The following SPAG16 variants were observed in gnomAD, a reference collection of about 807,000 sequenced individuals.
SPAG16 encodes sperm associated antigen 16, also known as sperm-associated antigen 16 protein.
Under a neutral mutation model 80.4 loss-of-function variants are expected in SPAG16, and 86 were observed. That is an observed-to-expected ratio of 1.07 (90% CI 0.90 to 1.28). The LOEUF is 1.28. Among genes scored for constraint, SPAG16 ranks in the 50% most tolerant of loss-of-function variants. The pLI is 0.00. For missense variants in SPAG16, 870 were observed against 765.3 expected (o/e 1.14, Z -1.61); for synonymous variants, 294 against 265.9 (o/e 1.11, Z -1.03).
intron 11 of SPAG16, among the ~76,000 whole-genome samples, chr2:213,910,158 T>A (rs902361789): frequency 5.9e-5 from 9 of 152,206 alleles, no homozygotes; most frequent in African/African-American, 2.2e-4. Flanking sequence ...AACAGAACAT[T>A]GTGACTAATA....
At chr2:213,790,418 C>G (rs1419118285) in intron 10 of SPAG16, among the ~76,000 whole-genome samples, 1 of 151,892 alleles carries the variant, frequency 6.6e-6, no homozygotes, top group Non-Finnish European at 1.5e-5. Flanking sequence ...TCAATGTTCT[C>G]CATAACTCAG....
intron 10 of SPAG16, among the ~76,000 whole-genome samples, chr2:213,584,610 A>AGAAGGAAGGAGGGAAG (rs1176712450): frequency 1.3e-5 from 2 of 151,822 alleles, no homozygotes; most frequent in Non-Finnish European, 2.9e-5. Flanking sequence ...AAGGAAGGAA[A>AGAAGGAAGGAGGGAAG]GAAGGAAGGA....
At chr2:214,014,373 C>T (rs924866145) in intron 13 of SPAG16, among the ~76,000 whole-genome samples, 4 of 152,148 alleles carry the variant, frequency 2.6e-5, no homozygotes, top group African/African-American at 7.2e-5. Flanking sequence ...ACACTGTGCC[C>T]CCTCCTTAAG....
chr2:214,133,732 A>G (rs998629548), intron 14 of SPAG16, among the ~76,000 whole-genome samples: 10 of 152,154 alleles, frequency 6.6e-5, no homozygotes, highest in African/African-American at 2.4e-4. Context: ...AGTTCACTGC[A>G]TGTGTCCCAG....
At chr2:213,523,162 C>T (rs936399332) in intron 10 of SPAG16, among the ~76,000 whole-genome samples, 1 of 152,074 alleles carries the variant, frequency 6.6e-6, no homozygotes, top group Non-Finnish European at 1.5e-5. Context: ...AGGCAGTAAC[C>T]CTGATGCTGC....
At chr2:214,348,954 G>A (rs1467299383) in intron 15 of SPAG16, among the ~76,000 whole-genome samples, 1 of 151,814 alleles carries the variant, frequency 6.6e-6, no homozygotes, top group Non-Finnish European at 1.5e-5. Flanking sequence ...AAGAATATAC[G>A]GTCATCTTTA....
intron 14 of SPAG16, among the ~76,000 whole-genome samples, chr2:214,131,287 T>G (rs1033417705): frequency 4.0e-5 from 6 of 151,762 alleles, no homozygotes; most frequent in Non-Finnish European, 8.8e-5. Flanking sequence ...GGAGGATGGC[T>G]TGAGAGCAGG....
intron 15 of SPAG16, among the ~76,000 whole-genome samples, chr2:214,341,986 G>T (rs1379269522): frequency 6.6e-6 from 1 of 151,822 alleles, no homozygotes; most frequent in East Asian, 1.9e-4. Flanking sequence ...CTGACTAAAA[G>T]TTCTCTTTTT....
chr2:213,984,745 C>T (rs891383393), intron 12 of SPAG16, among the ~76,000 whole-genome samples: 1 of 152,080 alleles, frequency 6.6e-6, no homozygotes, highest in Non-Finnish European at 1.5e-5. Flanking sequence ...CCCTCACCTA[C>T]AACTCCTTCT....
chr2:213,612,124 T>G (rs16850557), intron 10 of SPAG16, among the ~76,000 whole-genome samples: 4,190 of 152,228 alleles, frequency 0.028, 83 homozygotes, highest in African/African-American at 0.051. Flanking sequence ...ATAGCAAAAA[T>G]AGAATGAGGG....
chr2:214,320,685 C>T (rs910767094), intron 15 of SPAG16, among the ~76,000 whole-genome samples: 1 of 152,146 alleles, frequency 6.6e-6, no homozygotes, highest in Non-Finnish European at 1.5e-5. Flanking sequence ...CTTATAAAAC[C>T]ATCAGATCTC....
At chr2:214,265,277 C>T (rs1691475392) in intron 15 of SPAG16, among the ~76,000 whole-genome samples, 2 of 151,954 alleles carry the variant, frequency 1.3e-5, no homozygotes, top group South Asian at 4.1e-4. Flanking sequence ...GTTATATCCG[C>T]ATTATGGATT....
At chr2:213,581,281 A>T (rs1010450912) in intron 10 of SPAG16, among the ~76,000 whole-genome samples, 3 of 152,066 alleles carry the variant, frequency 2.0e-5, no homozygotes, top group African/African-American at 7.2e-5. Flanking sequence ...ACAGTGGTAC[A>T]ATCATGGTTC....
At chr2:213,591,461 G>T (rs2113472) in intron 10 of SPAG16, among the ~76,000 whole-genome samples, 1 of 151,848 alleles carries the variant, frequency 6.6e-6, no homozygotes, top group South Asian at 2.1e-4. Context: ...AAAATTAGGG[G>T]TAAAATTCCA....
chr2:213,916,465 T>C (rs1288672406), intron 11 of SPAG16, among the ~76,000 whole-genome samples: 1 of 152,230 alleles, frequency 6.6e-6, no homozygotes, highest in Non-Finnish European at 1.5e-5. Flanking sequence ...TCTGTTCCAT[T>C]GGTCTGTATA....
chr2:214,105,123 A>G (rs1377309002), intron 13 of SPAG16, among the ~76,000 whole-genome samples: 1 of 152,132 alleles, frequency 6.6e-6, no homozygotes, highest in Non-Finnish European at 1.5e-5. Flanking sequence ...TCCTAAGAAC[A>G]TAGGCAATGT....
At chr2:214,066,910 C>A (rs944513544) in intron 13 of SPAG16, among the ~76,000 whole-genome samples, 1 of 152,140 alleles carries the variant, frequency 6.6e-6, no homozygotes, top group African/African-American at 2.4e-5. Flanking sequence ...CTAAGTTTGT[C>A]TGCATTGCAA....
intron 9 of SPAG16, among the ~76,000 whole-genome samples, chr2:213,417,470 A>G (rs1011170378): frequency 3.1e-4 from 47 of 152,328 alleles, no homozygotes; most frequent in African/African-American, 1.1e-3. Context: ...CTTTTTCACT[A>G]TAGAGTACTC....
intron 15 of SPAG16, among the ~76,000 whole-genome samples, chr2:214,243,722 G>T (rs1689650004): frequency 6.6e-6 from 1 of 151,876 alleles, no homozygotes; most frequent in Non-Finnish European, 1.5e-5. Flanking sequence ...GTGATTACAG[G>T]CAAATAATTT....
Sources: allele counts gnomAD v4.1 joint callset (sites outside exome capture counted in the v4.1 genomes callset), GRCh38; gene constraint gnomAD v4.1.1; transcripts MANE v1.5; gene names NCBI Gene and HGNC (gene_info 2026-07-23, HGNC 2026-07-21).